BFSP1: variants seen among roughly 807,000 people sequenced by gnomAD.
BFSP1 encodes the protein filensin.
A neutral mutation model predicts 43.9 loss-of-function variants in BFSP1; 38 were observed. The ratio of observed to expected loss-of-function variants is 0.87; its 90% CI spans 0.67 to 1.14. The LOEUF is 1.14. Ranked by LOEUF, BFSP1 falls within the 50% of genes most tolerant of loss-of-function variation. The pLI is 0.00. For missense variants in BFSP1, 850 were observed against 875.1 expected, an observed-to-expected ratio of 0.97 and a Z score of 0.36; for synonymous variants, 352 against 354.8, an observed-to-expected ratio of 0.99 and a Z score of 0.09.
intron 1 of BFSP1, among the ~76,000 whole-genome samples, chr20:17,555,682 C>A (rs2123592870): frequency 6.6e-6 from 1 of 152,048 alleles, no homozygotes; most frequent in African/African-American, 2.4e-5. Context: ...ACAAACAAAA[C>A]AATAAGAATT....
chr20:17,516,802 T>C (rs2034210413), intron 2 of BFSP1: 1 of 529,838 alleles, frequency 1.9e-6, no homozygotes, highest in Middle Eastern at 5.1e-4. Flanking sequence ...AAACATTTCC[T>C]TCCTTTTCCA....
intron 1 of BFSP1, among the ~76,000 whole-genome samples, chr20:17,558,195 A>G (rs1416310184): frequency 1.3e-5 from 2 of 151,702 alleles, no homozygotes; most frequent in Non-Finnish European, 2.9e-5. Flanking sequence ...TGTCTCTTCA[A>G]CCTCATTAAT....
At chr20:17,534,978 G>A (rs149322492), upstream of BFSP1, among the ~76,000 whole-genome samples, 9 of 151,906 alleles carry the variant, frequency 5.9e-5, no homozygotes, top group Non-Finnish European at 1.2e-4. Context: ...CCAATATCAC[G>A]CCACTGCACT....
chr20:17,525,415 C>T lies in BFSP1; in HGVS notation c.378-507G>A, dbSNP rs2034399464. Among the ~76,000 whole-genome samples, 1 of 152,196 alleles carries T rather than the reference C, an allele frequency of 6.6e-6. No homozygotes were observed. The highest frequency in any genetic ancestry group is 6.5e-5 in the Admixed American group (1 of 15,280). On this transcript the variant is annotated intron_variant, in intron 1 of 7. Coordinates refer to ENST00000377873, the MANE Select transcript of BFSP1 (RefSeq NM_001195.5). The surrounding 1 kb of genome is among the most constrained non-coding windows in gnomAD (Gnocchi z 4.2). ...CAGAAGAAAGCAGTTATTGTTAGTG[C>T]TGCATTAAAGATGAGGAAACTCAGG...
chr20:17,556,630 C>T (rs975098916), intron 1 of BFSP1, among the ~76,000 whole-genome samples: 6 of 151,922 alleles, frequency 3.9e-5, no homozygotes, highest in Admixed American at 3.9e-4. Context: ...TTGTTCTGCA[C>T]ATTTTAAACC....
At chr20:17,564,270 G>T (rs899253566) in intron 1 of BFSP1, among the ~76,000 whole-genome samples, 4 of 151,648 alleles carry the variant, frequency 2.6e-5, no homozygotes, top group Non-Finnish European at 4.4e-5. Flanking sequence ...AAGAGGCTGA[G>T]ATTGGAGGAT....
intron 1 of BFSP1, among the ~76,000 whole-genome samples, chr20:17,527,454 G>A (rs6044862): frequency 0.25 from 37,737 of 152,146 alleles, 6,030 homozygotes; most frequent in African/African-American, 0.45. Flanking sequence ...ATTTCCGGGC[G>A]CGGTGGCTCA....
chr20:17,509,045 A>G (rs2034012831), intron 4 of BFSP1, 49 bp from the exon 5 acceptor site: 1 of 1,380,322 alleles, frequency 7.2e-7, no homozygotes, highest in Non-Finnish European at 9.6e-7. Flanking sequence ...CAGAGAGGAA[A>G]AGGGCAGAGA....
intron 7 of BFSP1, among the ~76,000 whole-genome samples, chr20:17,495,351 G>T (rs1251075718): frequency 6.6e-6 from 1 of 152,226 alleles, no homozygotes; most frequent in Non-Finnish European, 1.5e-5. Flanking sequence ...CCATTGTCCT[G>T]ACACTCAATG....
intron 1 of BFSP1, among the ~76,000 whole-genome samples, chr20:17,557,509 C>T (rs1453562332): frequency 2.0e-5 from 3 of 152,110 alleles, no homozygotes; most frequent in Non-Finnish European, 4.4e-5. Context: ...CCTGGGCCCT[C>T]CTGGCTCAAG....
At chr20:17,563,306 T>A (rs892625605), upstream of BFSP1, among the ~76,000 whole-genome samples, 18 of 152,192 alleles carry the variant, frequency 1.2e-4, no homozygotes, top group African/African-American at 4.1e-4. Context: ...TCCTATATAG[T>A]ACAGGGTATG....
intron 1 of BFSP1, among the ~76,000 whole-genome samples, chr20:17,530,295 C>T (rs2034506437): frequency 1.3e-5 from 2 of 152,208 alleles, no homozygotes; most frequent in Admixed American, 1.3e-4. Flanking sequence ...ATTCCAGTCC[C>T]GGGACAGCAG....
chr20:17,534,194 A>G (rs1323621061), upstream of BFSP1, among the ~76,000 whole-genome samples: 1 of 152,250 alleles, frequency 6.6e-6, no homozygotes, highest in Non-Finnish European at 1.5e-5. Flanking sequence ...TCGTAGAGAT[A>G]GATTCCACAG....
Position 17,493,998 on chromosome 20 carries a change from T to A in BFSP1, c.*76A>T. On this transcript the variant is annotated 3_prime_UTR_variant, in exon 8 of 8. Coordinates refer to ENST00000377873, the MANE Select transcript of BFSP1 (RefSeq NM_001195.5). ...CCAAACAGGAACCCTCACCCTTTTA[T>A]CATTTGCTCTAAAATATCAAAGCAT... The A allele has an allele frequency of 7.5e-7, 1 of 1,338,448 alleles. No individual in the cohort carries two copies. 82.9% of individuals were successfully genotyped at this position (1,338,448 alleles called of 1,614,324 possible).
intron 1 of BFSP1, among the ~76,000 whole-genome samples, chr20:17,552,066 G>C (rs1471479145): frequency 6.6e-6 from 1 of 152,126 alleles, no homozygotes; most frequent in Non-Finnish European, 1.5e-5. Flanking sequence ...AAAACAGAAA[G>C]TAAATAAGAT....
intron 1 of BFSP1, among the ~76,000 whole-genome samples, chr20:17,564,381 T>G (rs1030634652): frequency 7.2e-6 from 1 of 138,402 alleles, no homozygotes; most frequent in East Asian, 2.1e-4. Flanking sequence ...AAAAAAAAAA[T>G]GAAGAAATTG....
At chr20:17,499,948 G>A (rs1261691706) in intron 5 of BFSP1, among the ~76,000 whole-genome samples, 4 of 152,150 alleles carry the variant, frequency 2.6e-5, no homozygotes, top group East Asian at 1.9e-4. Flanking sequence ...ACTTGCTATC[G>A]GTGGAATAAT....
chr20:17,497,575 T>A (rs2033675979), intron 6 of BFSP1, among the ~76,000 whole-genome samples: 1 of 92,550 alleles, frequency 1.1e-5, no homozygotes, highest in African/African-American at 4.9e-5. Context: ...TGTATATGTA[T>A]ATATACGTAT....
intron 5 of BFSP1, among the ~76,000 whole-genome samples, chr20:17,502,809 A>T (rs1449630641): frequency 6.6e-6 from 1 of 152,148 alleles, no homozygotes; most frequent in East Asian, 1.9e-4. Flanking sequence ...AGACACACTA[A>T]CGCCTGGTGC....
Sources: gnomAD v4.1 joint callset for allele counts (sites outside exome capture counted in the v4.1 genomes callset) on GRCh38, gnomAD v4.1.1 for gene constraint, Gnocchi (gnomAD v3.1) non-coding constraint, MANE v1.5 for transcripts, NCBI Gene and HGNC (gene_info 2026-07-23, HGNC 2026-07-21) for gene names.